Variants in PPHLN1 observed in about 807,000 individuals in gnomAD.
The protein encoded by PPHLN1 is periphilin 1, also known as periphilin-1.
In PPHLN1, 29 loss-of-function variants were observed where a neutral mutation model predicts 51.3. The observed-to-expected ratio is 0.57, with a 90% CI of 0.42 to 0.77. The LOEUF is 0.77. Ranked by LOEUF, PPHLN1 falls within the 30% of genes least tolerant of loss-of-function variation. PPHLN1 has a pLI of 0.00. For synonymous variants in PPHLN1, 147 were observed against 147.8 expected (o/e 0.99, Z 0.04); for missense variants, 436 against 438.4 (o/e 0.99, Z 0.05).
intron 2 of PPHLN1, among the ~76,000 whole-genome samples, chr12:42,349,928 C>T (rs2072980881): frequency 1.3e-5 from 2 of 152,180 alleles, no homozygotes; most frequent in Non-Finnish European, 2.9e-5. Flanking sequence ...GGGTACACCT[C>T]CCAGACGGGG....
At chr12:42,442,807 T>A (rs1317634311), downstream of PPHLN1, 1 of 1,608,274 alleles carries the variant, frequency 6.2e-7, no homozygotes, top group Admixed American at 1.7e-5. Context: ...GGTTTCATCA[T>A]GGGACAACAG....
intron 5 of PPHLN1, among the ~76,000 whole-genome samples, chr12:42,376,982 A>G (rs1175241417): frequency 1.3e-5 from 2 of 152,152 alleles, no homozygotes; most frequent in African/African-American, 4.8e-5. Context: ...TTAAGAAGAT[A>G]AACAATCTGT....
chr12:42,351,818 T>TA, intron 2 of PPHLN1, 67 bp from the exon 3 acceptor site: 2 of 1,393,762 alleles, frequency 1.4e-6, no homozygotes, highest in Non-Finnish European at 1.9e-6. Flanking sequence ...CTGTGCTTTT[T>TA]AAAAACCTTT....
At position 42,327,076 on chromosome 12, in the gene PPHLN1, A is replaced by G. The variant is rs561489711; in HGVS notation, c.-21+847A>G. Among the ~76,000 whole-genome samples the G allele has an allele frequency of 2.0e-5, 3 of 152,302 alleles. No individual in the cohort carries two copies. In the South Asian group the frequency reaches 6.2e-4, roughly 32 times the overall value. ...CTCTAGGCATACTTGTGGCCAGCCA[A>G]ACTTACCATGCTTTACATCTCTGTT... On this transcript the variant is annotated intron_variant, in intron 1 of 9. Transcript: ENST00000358314.
chr12:42,370,843 GT>G (rs1014660739), intron 4 of PPHLN1, among the ~76,000 whole-genome samples: 1 of 151,868 alleles, frequency 6.6e-6, no homozygotes, highest in Admixed American at 6.6e-5. Flanking sequence ...TTTTTGTTTT[GT>G]TTTGAGACAG....
chr12:42,418,946 C>G (rs1424615855), intron 9 of PPHLN1, among the ~76,000 whole-genome samples: 3 of 152,086 alleles, frequency 2.0e-5, no homozygotes, highest in Non-Finnish European at 2.9e-5. Flanking sequence ...ATTACATTCT[C>G]TCATTTAATC....
intron 1 of PPHLN1, among the ~76,000 whole-genome samples, chr12:42,333,516 T>C (rs1334695880): frequency 6.6e-6 from 1 of 152,062 alleles, no homozygotes; most frequent in Non-Finnish European, 1.5e-5. Context: ...GGAGTCTCAC[T>C]CTGTTGCCCA....
At chr12:42,389,396 C>CAA (rs201952965) in intron 7 of PPHLN1, among the ~76,000 whole-genome samples, 1 of 104,100 alleles carries the variant, frequency 9.6e-6, no homozygotes, top group East Asian at 2.4e-4. Flanking sequence ...AATAAACAAA[C>CAA]AAAAAAAAAA....
intron 5 of PPHLN1, among the ~76,000 whole-genome samples, chr12:42,376,790 AAAAT>A (rs1186847883): frequency 1.3e-5 from 2 of 152,206 alleles, no homozygotes; most frequent in African/African-American, 4.8e-5. Context: ...TATGTCTCTA[AAAAT>A]AAATAAATAA....
chr12:42,435,473 C>T (rs764839934), intron 9 of PPHLN1, among the ~76,000 whole-genome samples: 10 of 152,142 alleles, frequency 6.6e-5, no homozygotes, highest in African/African-American at 1.2e-4. Context: ...TCTATTAATA[C>T]AGCACAAGCA....
intron 9 of PPHLN1, among the ~76,000 whole-genome samples, chr12:42,410,142 T>A (rs927240973): frequency 2.6e-5 from 4 of 151,976 alleles, no homozygotes; most frequent in African/African-American, 9.7e-5. Context: ...ATTCTGTCAG[T>A]AGAGGCTTTC....
At chr12:42,446,167 CTG>C, downstream of PPHLN1, 1 of 1,607,092 alleles carries the variant, frequency 6.2e-7, no homozygotes, top group South Asian at 1.1e-5. Context: ...CAGACATTAC[CTG>C]GGGGATGCTG....
intron 2 of PPHLN1, 100 bp from the exon 3 acceptor site, chr12:42,351,785 C>A: frequency 1.1e-6 from 1 of 874,014 alleles, no homozygotes; most frequent in South Asian, 2.4e-5. Flanking sequence ...ACATTTAGCT[C>A]ATTCGATTAA....
chr12:42,357,526 A>G (rs537500210), intron 4 of PPHLN1, among the ~76,000 whole-genome samples: 8 of 152,196 alleles, frequency 5.3e-5, no homozygotes, highest in Non-Finnish European at 8.8e-5. Context: ...GAACTTTTCA[A>G]TAAATAGTGT....
intron 9 of PPHLN1, among the ~76,000 whole-genome samples, chr12:42,427,642 A>G (rs1156229999): frequency 6.6e-6 from 1 of 152,222 alleles, no homozygotes; most frequent in Non-Finnish European, 1.5e-5. Flanking sequence ...CTACGACCTG[A>G]AACTATAAAA....
At chr12:42,393,127 T>C (rs1042379148) in intron 7 of PPHLN1, among the ~76,000 whole-genome samples, 1 of 152,228 alleles carries the variant, frequency 6.6e-6, no homozygotes, top group Non-Finnish European at 1.5e-5. Context: ...AGGATTTATG[T>C]AACTCACTGT....
chr12:42,446,701 G>C, downstream of PPHLN1: 1 of 1,518,550 alleles, frequency 6.6e-7, no homozygotes, highest in East Asian at 2.3e-5. Context: ...GAAAAGGGGT[G>C]ATGTAGGAGA....
intron 9 of PPHLN1, among the ~76,000 whole-genome samples, chr12:42,401,874 A>G (rs1306000659): frequency 1.3e-5 from 2 of 152,016 alleles, no homozygotes; most frequent in Non-Finnish European, 2.9e-5. Flanking sequence ...TTGTTTTTTG[A>G]GACAGGGTCT....
rs2083009880 is a variant in PPHLN1 at position 42,442,048 on chromosome 12, C to T, written c.*539C>T. ...TACCTCAGAAAAAAATCCGTTTTTC[C>T]AAGTAATGAACTCAGTGTCTTCTAT... On this transcript the variant is annotated 3_prime_UTR_variant, in exon 10 of 10. Transcript: ENST00000358314. The T allele has an allele frequency of 1.2e-6, 1 of 833,932 alleles. No individual in the cohort carries two copies. Among genetic ancestry groups the T allele is most frequent in the Admixed American group, 6.2e-5 (1 of 16,058 alleles). The allele number at this position is 833,932 out of a possible 1,614,324, so 51.7% of individuals were successfully genotyped here.
Sources: allele counts gnomAD v4.1 joint callset (sites outside exome capture counted in the v4.1 genomes callset), GRCh38; gene constraint gnomAD v4.1.1; transcripts MANE v1.5; gene names NCBI Gene and HGNC (gene_info 2026-07-23, HGNC 2026-07-21).